The following MECOM variants were observed in gnomAD, a reference collection of about 807,000 sequenced individuals.
MECOM encodes histone-lysine N-methyltransferase MECOM.
Under a neutral mutation model 116.3 loss-of-function variants are expected in MECOM, and 13 were observed. The observed-to-expected ratio is 0.11, with a 90% CI of 0.07 to 0.18. The LOEUF is 0.18. Among genes scored for constraint, MECOM ranks in the 10% least tolerant of loss-of-function variants. MECOM has a pLI of 1.00. For synonymous variants in MECOM, 528 were observed against 535.2 expected, an observed-to-expected ratio of 0.99 and a Z score of 0.19; for missense variants, 1,299 against 1,509.0, an observed-to-expected ratio of 0.86 and a Z score of 2.31.
At chr3:169,240,715 A>C (rs560322560) in intron 2 of MECOM, among the ~76,000 whole-genome samples, 1 of 152,302 alleles carries the variant, frequency 6.6e-6, no homozygotes, top group African/African-American at 2.4e-5. Flanking sequence ...CAACTAAAAA[A>C]CAAATGCCAT....
At chr3:169,635,317 C>T (rs1357169533) in intron 1 of MECOM, among the ~76,000 whole-genome samples, 1 of 152,190 alleles carries the variant, frequency 6.6e-6, no homozygotes, top group African/African-American at 2.4e-5. Flanking sequence ...TTATTATCAT[C>T]ATCATTATTA....
In MECOM at chr3:169,188,463, G is replaced by T. The variant is rs150956060; in HGVS notation, c.376-44631C>A. On this transcript the variant is annotated intron_variant, in intron 2 of 16. Transcript: ENST00000651503. ...GAAAACAAGGTCAATTTGACCTTTT[G>T]TGTAGCTTTTTATTTATCTGAGTAA... is the stretch of plus-strand genomic sequence containing the variant. Among the ~76,000 whole-genome samples, 449 of 152,148 alleles carry T rather than the reference G, an allele frequency of 3.0e-3. 2 individuals carry two copies. The highest frequency in any genetic ancestry group is 0.01 in the African/African-American group (424 of 41,556).
At chr3:169,541,114 T>C (rs1440181028) in intron 1 of MECOM, among the ~76,000 whole-genome samples, 3 of 152,222 alleles carry the variant, frequency 2.0e-5, no homozygotes, top group Non-Finnish European at 2.9e-5. Context: ...TGCATTAGAA[T>C]AAGCTGGGAG....
At chr3:169,368,548 G>C (rs926331893) in intron 2 of MECOM, among the ~76,000 whole-genome samples, 1 of 151,822 alleles carries the variant, frequency 6.6e-6, no homozygotes, top group Non-Finnish European at 1.5e-5. Context: ...ACCTTCATTT[G>C]ATGAAACAAC....
Position 169,120,955 on chromosome 3 carries a change from C to T in MECOM, c.1132+101G>A, listed in dbSNP as rs576091511. 10 of 1,246,550 alleles carry T rather than the reference C, an allele frequency of 8.0e-6. No individual in the cohort carries two copies. The South Asian group carries it at 1.1e-4, about 13-fold the overall frequency. 77.2% of individuals were successfully genotyped at this position (1,246,550 alleles called of 1,614,324 possible). ...TGGATTGGACCATAAATAGCTAACA[C>T]GGTGACCCTCTAAAGGCCATGTGCA... On this transcript the variant is annotated intron_variant, in intron 7 of 16. Transcript: ENST00000651503.
intron 1 of MECOM, among the ~76,000 whole-genome samples, chr3:169,499,414 C>T (rs1035544862): frequency 7.2e-6 from 1 of 138,050 alleles, no homozygotes. Flanking sequence ...TCCTCAATAA[C>T]CAGAGCTGCT....
In MECOM at chr3:169,580,093, C is replaced by A. The variant is rs79523882; in HGVS notation, c.37+83243G>T. On this transcript the variant is annotated intron_variant, in intron 1 of 16. Transcript: ENST00000651503. ...TCCATTTTACAGGAAATAGCTGGTA[C>A]TATCCTTAGTGTGGGAGGCTTGCCA... Among the ~76,000 whole-genome samples, 40 of 152,302 alleles carry A rather than the reference C, an allele frequency of 2.6e-4. No individual in the cohort carries two copies. In the East Asian group the frequency reaches 7.1e-3, roughly 27 times the overall value.
chr3:169,170,851 A>G (rs970292181), intron 2 of MECOM, among the ~76,000 whole-genome samples: 3 of 152,184 alleles, frequency 2.0e-5, no homozygotes, highest in African/African-American at 7.2e-5. Flanking sequence ...TCTACCCATA[A>G]TGTCCTTTTT....
chr3:169,541,434 C>A (rs963009374), intron 1 of MECOM, among the ~76,000 whole-genome samples: 1 of 152,222 alleles, frequency 6.6e-6, no homozygotes, highest in Non-Finnish European at 1.5e-5. Flanking sequence ...GGAAAGCCCA[C>A]CCTTAGCTCT....
intron 2 of MECOM, among the ~76,000 whole-genome samples, chr3:169,148,076 C>T (rs982334400): frequency 1.3e-5 from 2 of 152,026 alleles, no homozygotes; most frequent in Non-Finnish European, 2.9e-5. Context: ...ATTCTTGTAG[C>T]TAGGTCAGAG....
At chr3:169,444,169 A>G (rs1010115082) in intron 1 of MECOM, among the ~76,000 whole-genome samples, 44 of 152,142 alleles carry the variant, frequency 2.9e-4, no homozygotes, top group African/African-American at 1.0e-3. Flanking sequence ...CTTACTCCCA[A>G]ATCTTATGAG....
intron 2 of MECOM, among the ~76,000 whole-genome samples, chr3:169,254,682 A>G (rs960013343): frequency 6.6e-6 from 1 of 152,144 alleles, no homozygotes; most frequent in Non-Finnish European, 1.5e-5. Flanking sequence ...AGATAATATT[A>G]CTCTCAGATA....
At chr3:169,116,957 C>CAT (rs1282224324) in intron 7 of MECOM, among the ~76,000 whole-genome samples, 1 of 152,028 alleles carries the variant, frequency 6.6e-6, no homozygotes, top group Non-Finnish European at 1.5e-5. Flanking sequence ...ACAAATATTT[C>CAT]ATATATATAG....
rs551325599 is a variant in MECOM, at chr3:169,653,459, G to A, written c.37+9877C>T. On this transcript the variant is annotated intron_variant, in intron 1 of 16. Coordinates refer to ENST00000651503, the MANE Select transcript of MECOM (RefSeq NM_004991.4). ...CATACTATTGGAATGAAATAACATA[G>A]AAGTCATATCTCCAGGAGAGATCAT... Among the ~76,000 whole-genome samples the A allele has an allele frequency of 9.2e-5, 14 of 152,244 alleles. No homozygotes were observed. The South Asian group carries it at 2.7e-3, about 29-fold the overall frequency.
chr3:169,450,582 G>GA lies in MECOM; in HGVS notation c.38-69059dup, dbSNP rs10711289. 2.4e-3 allele frequency among the ~76,000 whole-genome samples: 345 copies of GA among 146,340 alleles called. 4 individuals carry two copies. The highest frequency in any genetic ancestry group is 6.8e-3 in the African/African-American group (272 of 39,910). On this transcript the variant is annotated intron_variant, in intron 1 of 16. Transcript: ENST00000651503. ...GCAGCTTACATCTTCAGGACAAAAC[G>GA]AAAAAAAAAAAATGATGACAAAAAA...
intron 1 of MECOM, among the ~76,000 whole-genome samples, chr3:169,561,961 C>A (rs1265216049): frequency 1.3e-5 from 2 of 151,732 alleles, no homozygotes; most frequent in African/African-American, 2.4e-5. Flanking sequence ...GTCTGGCCAA[C>A]ATGGTGAAAT....
rs9824807 is a variant in MECOM at position 169,374,772 on chromosome 3, C to G, written c.375+6415G>C. ...ATAAGGCTGGGCATGGTGGCTCATA[C>G]TTTTAATCCCAGCACTTTGGGGAGC... On this transcript the variant is annotated intron_variant, in intron 2 of 16. Coordinates refer to ENST00000651503, the MANE Select transcript of MECOM (RefSeq NM_004991.4). 8.4e-3 allele frequency among the ~76,000 whole-genome samples: 1,270 copies of G among 152,042 alleles called. 16 individuals carry two copies. The highest frequency in any genetic ancestry group is 0.029 in the African/African-American group (1,220 of 41,518).
intron 1 of MECOM, among the ~76,000 whole-genome samples, chr3:169,602,711 A>G (rs540305843): frequency 7.2e-5 from 11 of 152,342 alleles, no homozygotes; most frequent in African/African-American, 2.4e-4. Flanking sequence ...TTTAGTCAAA[A>G]AGAAAAAATA....
intron 2 of MECOM, among the ~76,000 whole-genome samples, chr3:169,355,375 C>T (rs796226015): frequency 6.6e-6 from 1 of 151,914 alleles, no homozygotes; most frequent in South Asian, 2.1e-4. Context: ...CTCATGTTTT[C>T]CTTTCACCTT....
Sources: allele counts gnomAD v4.1 joint callset (sites outside exome capture counted in the v4.1 genomes callset), GRCh38; gene constraint gnomAD v4.1.1; transcripts MANE v1.5; gene names NCBI Gene and HGNC (gene_info 2026-07-23, HGNC 2026-07-21).